Variants in BEND3 observed in about 807,000 individuals in gnomAD.
BEND3 encodes the protein BEN domain-containing protein 3.
BEND3 carries 13 observed loss-of-function variants against 60.1 expected under a neutral mutation model. The observed-to-expected ratio is 0.22, with a 90% CI of 0.14 to 0.34. The LOEUF is 0.34. Ranked by LOEUF, BEND3 falls within the 10% of genes least tolerant of loss-of-function variation. The pLI, the probability that BEND3 is intolerant of heterozygous loss-of-function variation, is 1.00. For synonymous variants in BEND3, 497 were observed against 491.5 expected (o/e 1.01, Z -0.15); for missense variants, 896 against 1,138.1 (o/e 0.79, Z 3.06).
chr6:107,088,051 G>A (rs1775395043), intron 3 of BEND3, among the ~76,000 whole-genome samples: 1 of 135,792 alleles, frequency 7.4e-6, no homozygotes, highest in South Asian at 2.4e-4. Flanking sequence ...TTGTTCCCCT[G>A]CCTGGCTGAA....
chr6:107,073,197 GTA>G (rs1385495158), intron 3 of BEND3, among the ~76,000 whole-genome samples: 724 of 30,164 alleles, frequency 0.024, 46 homozygotes, highest in East Asian at 0.18. Context: ...GTTTGTATGT[GTA>G]TGTATATATA....
chr6:107,103,676 C>T (rs1299435879), intron 1 of BEND3, among the ~76,000 whole-genome samples: 2 of 150,312 alleles, frequency 1.3e-5, no homozygotes, highest in Non-Finnish European at 3.0e-5. Context: ...AGGCCAGGCA[C>T]GGTGGCACAC....
chr6:107,075,734 G>A (rs141183473), intron 3 of BEND3, among the ~76,000 whole-genome samples: 15 of 152,258 alleles, frequency 9.9e-5, no homozygotes, highest in African/African-American at 2.2e-4. Context: ...CATCAGAAAC[G>A]TATATAGCAT....
At chr6:107,072,371 T>C (rs1775001140) in intron 3 of BEND3, among the ~76,000 whole-genome samples, 1 of 152,182 alleles carries the variant, frequency 6.6e-6, no homozygotes, top group Non-Finnish European at 1.5e-5. Context: ...AGCTCCTGGG[T>C]GCTGTGGCTG....
intron 3 of BEND3, among the ~76,000 whole-genome samples, chr6:107,078,276 G>A (rs1414384807): frequency 3.3e-5 from 5 of 151,960 alleles, no homozygotes; most frequent in Non-Finnish European, 7.4e-5. Flanking sequence ...CTTGGGGCAG[G>A]GGAGAGAAGA....
At position 107,069,022 on chromosome 6, in the gene BEND3, G is replaced by A. The variant is rs782463887; in HGVS notation, c.2169C>T (p.Asp723=). Residue 723 remains aspartate, a synonymous_variant, in exon 4 of 4, where the codon GAC becomes GAT. Coordinates refer to ENST00000369042, the MANE Select transcript of BEND3 (RefSeq NM_001367314.1). ...GCTGCACGATCTCACGCACCTCCTTGTCAGACAGCAGGTAGGGAGAAGGCA... is the reference window on the plus strand; with the variant it reads ...GCTGCACGATCTCACGCACCTCCTTATCAGACAGCAGGTAGGGAGAAGGCA... ...FPVPSPYLLS[D]KEVREIVQQS... The A allele has an allele frequency of 5.0e-6, 8 of 1,613,658 alleles. No individual in the cohort carries two copies. Among genetic ancestry groups the A allele is most frequent in the Non-Finnish European group, 6.8e-6 (8 of 1,180,024 alleles).
Position 107,068,312 on chromosome 6 carries a change from A to C in BEND3, c.*392T>G, listed in dbSNP as rs1554231144. On this transcript the variant is annotated 3_prime_UTR_variant, in exon 4 of 4. Coordinates refer to ENST00000369042, the MANE Select transcript of BEND3 (RefSeq NM_001367314.1). This position sits in a 1 kb window ranked among gnomAD's most constrained non-coding sequence, Gnocchi z 5.8. ...TAAGGGTTTCTTTTTAATTAAAAAA[A>C]AATGGGTCAAAATGGAAGATGTAAA... 1 of 164,956 alleles carries C rather than the reference A, an allele frequency of 6.1e-6. No homozygotes were observed. The highest frequency in any genetic ancestry group is 1.3e-5 in the Non-Finnish European group (1 of 77,308). The allele number at this position is 164,956 out of a possible 1,614,324, so 10.2% of individuals were successfully genotyped here.
rs782745422 is a variant in BEND3 at position 107,069,097 on chromosome 6, A to G, written c.2094T>C (p.Phe698=). The G allele has an allele frequency of 6.2e-7, 1 of 1,612,828 alleles. No homozygotes were observed. Among genetic ancestry groups the G allele is most frequent in the East Asian group, 2.2e-5 (1 of 44,828 alleles). ...CCAGCTCGTCCAAGGGGATCTTGCA[A>G]AAGTCCTTGCTGCTCCTCTCGGGGG... ...PLPPERSSKD[F]CKIPLDELVV... is the part of the protein sequence containing the mutation. Residue 698 remains phenylalanine, a synonymous_variant, in exon 4 of 4, where the codon TTT becomes TTC. Coordinates refer to ENST00000369042, the MANE Select transcript of BEND3 (RefSeq NM_001367314.1).
At chr6:107,081,652 T>C (rs1429631253) in intron 3 of BEND3, among the ~76,000 whole-genome samples, 2 of 152,178 alleles carry the variant, frequency 1.3e-5, no homozygotes, top group African/African-American at 4.8e-5. Flanking sequence ...GCAAGTCATA[T>C]GAGAAATACG....
chr6:107,093,003 T>G (rs1187810049), intron 3 of BEND3, among the ~76,000 whole-genome samples: 1 of 152,160 alleles, frequency 6.6e-6, no homozygotes, highest in Admixed American at 6.5e-5. Flanking sequence ...TGGAGAGACA[T>G]TCCATGCTCA....
At chr6:107,109,175 C>A (rs117478686) in intron 1 of BEND3, among the ~76,000 whole-genome samples, 3,565 of 150,266 alleles carry the variant, frequency 0.024, 59 homozygotes, top group Middle Eastern at 0.055. Context: ...GCGGTCTGGG[C>A]GTGGTGGCTC....
intron 3 of BEND3, among the ~76,000 whole-genome samples, chr6:107,074,284 G>A (rs140984476): frequency 3.0e-4 from 45 of 152,084 alleles, no homozygotes; most frequent in African/African-American, 8.7e-4. Flanking sequence ...GTGTGGTGGC[G>A]CGTGCTTGTA....
In BEND3 at chr6:107,080,369, AAAAAAAAAC is replaced by A. The variant is rs1775203924; in HGVS notation, c.241-9428_241-9420del. Among the ~76,000 whole-genome samples, 21 of 145,856 alleles carry A rather than the reference AAAAAAAAAC, an allele frequency of 1.4e-4. 1 individual carries two copies. The highest frequency in any genetic ancestry group is 5.8e-4 in the African/African-American group (21 of 36,506). On this transcript the variant is annotated intron_variant, in intron 3 of 3. Coordinates refer to ENST00000369042, the MANE Select transcript of BEND3 (RefSeq NM_001367314.1). Reference sequence around the variant, plus strand: ...GATCCCATCTCAAAAAAAAAAAAAAAAAAAAAAACAAAAAACAGGAAAAAGAAAAAAAGA... The same window carrying A: ...GATCCCATCTCAAAAAAAAAAAAAAAAAAAAACAGGAAAAAGAAAAAAAGA...
intron 3 of BEND3, among the ~76,000 whole-genome samples, chr6:107,093,982 C>G (rs1256148225): frequency 6.6e-6 from 1 of 152,194 alleles, no homozygotes; most frequent in Non-Finnish European, 1.5e-5. Flanking sequence ...TTGCAAAAGA[C>G]ATACCTGATA....
chr6:107,083,876 C>G (rs6916920), intron 3 of BEND3, among the ~76,000 whole-genome samples: 10,963 of 152,114 alleles, frequency 0.072, 524 homozygotes, highest in South Asian at 0.13. Context: ...TTCCTTGAGG[C>G]TAGGAGTTTG....
rs1322131192 is a variant in BEND3, at chr6:107,070,235, T to C, written c.956A>G (p.Lys319Arg). ...NYVEVYYPSVKDTAVWQAECL... is the reference protein window; with the variant it reads ...NYVEVYYPSVRDTAVWQAECL... ...CTCGGCCTGCCACACAGCCGTGTCC[T>C]TCACCGAGGGGTAGTAGACCTCCAC... Residue 319 changes from lysine to arginine, a missense_variant, in exon 4 of 4, where the codon AAG (lysine) becomes AGG (arginine). Lys to Arg is a conservative substitution (Grantham distance 26, BLOSUM62 2). Coordinates refer to ENST00000369042, the MANE Select transcript of BEND3 (RefSeq NM_001367314.1). This position sits in a 1 kb window ranked among gnomAD's most constrained non-coding sequence, Gnocchi z 6.9. 5 of 1,612,886 alleles carry C rather than the reference T, an allele frequency of 3.1e-6. No homozygotes were observed. The African/African-American group carries it at 5.3e-5, about 17-fold the overall frequency.
In BEND3 at chr6:107,098,636, T is replaced by C. The variant is rs782329925; in HGVS notation, c.155A>G (p.Gln52Arg). 1 of 1,614,004 alleles carries C rather than the reference T, an allele frequency of 6.2e-7. No homozygotes were observed. The highest frequency in any genetic ancestry group is 1.3e-5 in the African/African-American group (1 of 75,068). ...CAGCTGCTTTCGTTTGCTGGAGTCC[T>C]GCAGGGCAGTGAGGACGCTGTCCAC... ...HSVDSVLTAL[Q>R]DSSKRKQLVS... The change falls in exon 3 of 4, where the codon CAG (glutamine) becomes CGG (arginine). Residue 52 changes from glutamine (Q) to arginine (R), a missense_variant. Physicochemically the swap from Gln to Arg is conservative, Grantham distance 43. This residue lies in a region of BEND3 where 846 missense variants were observed against 1,036.7 expected (regional missense o/e 0.82). Transcript: ENST00000369042.
chr6:107,103,208 C>T (rs1447562559), intron 1 of BEND3, among the ~76,000 whole-genome samples: 1 of 152,148 alleles, frequency 6.6e-6, no homozygotes, highest in Non-Finnish European at 1.5e-5. Flanking sequence ...CCCCAGCTGG[C>T]GCAGGGACAG....
At chr6:107,092,130 G>A (rs1775489590) in intron 3 of BEND3, among the ~76,000 whole-genome samples, 2 of 152,032 alleles carry the variant, frequency 1.3e-5, no homozygotes, top group African/African-American at 4.8e-5. Flanking sequence ...AGTGGCAGGT[G>A]CCTGTAGTCT....
Sources: allele counts gnomAD v4.1 joint callset (sites outside exome capture counted in the v4.1 genomes callset), GRCh38; gene constraint gnomAD v4.1.1; regional missense constraint gnomAD v4.1.1; non-coding constraint Gnocchi (gnomAD v3.1); transcripts MANE v1.5; gene names NCBI Gene and HGNC (gene_info 2026-07-23, HGNC 2026-07-21).